The following KCNQ1 variants were observed in gnomAD, a reference collection of about 807,000 sequenced individuals.
The protein encoded by KCNQ1 is potassium voltage-gated channel subfamily KQT member 1.
A neutral mutation model predicts 72.4 loss-of-function variants in KCNQ1; 49 were observed. The ratio of observed to expected loss-of-function variants is 0.68; its 90% confidence interval spans 0.54 to 0.86. The LOEUF (loss-of-function observed/expected upper bound fraction) is 0.86, where lower values mean the gene tolerates loss of function less well. KCNQ1 is among the 40% of genes least tolerant of loss of function. The probability of loss-of-function intolerance (pLI) is 0.00; values close to 1 mark genes in which losing one functional copy is unlikely to be tolerated. For synonymous variants in KCNQ1, 450 were observed against 412.6 expected (o/e 1.09, Z -1.10); for missense variants, 790 against 945.1 (o/e 0.84, Z 2.15).
At chr11:2,699,763 G>C in intron 11 of KCNQ1, 1 of 364,642 alleles carries the variant, frequency 2.7e-6, no homozygotes, top group Non-Finnish European at 4.7e-6. Context: ...AGAGCGCCGC[G>C]CTGAGGAGCC....
Position 2,562,667 on chromosome 11 carries a change from G to GCA in KCNQ1, c.478-7961_478-7960insCA, listed in dbSNP as rs1307050425. On this transcript the variant is annotated intron_variant, in intron 2 of 15. Coordinates refer to ENST00000155840, the MANE Select transcript of KCNQ1 (RefSeq NM_000218.3). This position sits in a 1 kb window ranked among gnomAD's most constrained non-coding sequence, Gnocchi z 7.5. ...TCCAGGCCCCATCTTGGCCTGATGA[G>GCA]GCCTCATTGTCTCCTAAAAAGTGTG... 2.0e-5 allele frequency among the ~76,000 whole-genome samples: 3 copies of GCA among 152,150 alleles called. No homozygotes were observed. Among genetic ancestry groups the GCA allele is most frequent in the Admixed American group, 2.0e-4 (3 of 15,286 alleles).
rs1159984054 is a variant in KCNQ1 at position 2,482,962 on chromosome 11, C to G, written c.386+37478C>G. ...GCGTGGTAATGCATGGTGCGTGTCT[C>G]TTAGCAGTAAGACCTTGAGAAGGAG... is the stretch of plus-strand genomic sequence containing the variant. On this transcript the variant is annotated intron_variant, in intron 1 of 15. Transcript: ENST00000155840. This position sits in a 1 kb window ranked among gnomAD's most constrained non-coding sequence, Gnocchi z 5.7. Among the ~76,000 whole-genome samples, 1 of 152,142 alleles carries G rather than the reference C, an allele frequency of 6.6e-6. No individual in the cohort carries two copies. Among genetic ancestry groups the G allele is most frequent in the Non-Finnish European group, 1.5e-5 (1 of 68,036 alleles).
intron 15 of KCNQ1, among the ~76,000 whole-genome samples, chr11:2,795,636 G>A (rs919765050): frequency 3.3e-5 from 5 of 152,308 alleles, no homozygotes; most frequent in Admixed American, 2.0e-4. Flanking sequence ...TCAGAAGCCC[G>A]CCCCTAATTC....
At position 2,598,894 on chromosome 11, in the gene KCNQ1, T is replaced by G. The variant is rs1042485345; in HGVS notation, c.1393+10040T>G. Among the ~76,000 whole-genome samples the G allele has an allele frequency of 1.3e-5, 2 of 152,246 alleles. No individual in the cohort carries two copies. Among genetic ancestry groups the G allele is most frequent in the African/African-American group, 2.4e-5 (1 of 41,456 alleles). On this transcript the variant is annotated intron_variant, in intron 10 of 15. Transcript: ENST00000155840. This position sits in a 1 kb window ranked among gnomAD's most constrained non-coding sequence, Gnocchi z 6.2. The stretch of plus-strand genomic sequence containing the variant: ...TGTTGACTGAGTGAGTTAGAACATG[T>G]AAGTGCTCACCCAGGACCCATATGC...
In KCNQ1 at chr11:2,536,614, C is replaced by A. The variant is rs758638654; in HGVS notation, c.477+8596C>A. Among the ~76,000 whole-genome samples the A allele has an allele frequency of 1.5e-4, 23 of 152,312 alleles. No individual in the cohort carries two copies. The highest frequency in any genetic ancestry group is 2.4e-4 in the Non-Finnish European group (16 of 68,004). On this transcript the variant is annotated intron_variant, in intron 2 of 15. Coordinates refer to ENST00000155840, the MANE Select transcript of KCNQ1 (RefSeq NM_000218.3). The surrounding 1 kb of genome is among the most constrained non-coding windows in gnomAD (Gnocchi z 7.4). The stretch of plus-strand genomic sequence containing the variant: ...TCTCTCAGGCGGGTCTGGAACCCAA[C>A]AGAGCTGGTTTGGGCCACAGCAGTG...
intron 11 of KCNQ1, chr11:2,697,641 TC>T (rs1850700904): frequency 2.5e-6 from 1 of 398,642 alleles, no homozygotes; most frequent in Admixed American, 4.4e-5. Context: ...ATATGGTTTT[TC>T]TCCTGTAGCC....
chr11:2,725,927 C>A lies in KCNQ1; in HGVS notation c.1515-42917C>A, dbSNP rs1446118035. 1.3e-5 allele frequency among the ~76,000 whole-genome samples: 2 copies of A among 152,252 alleles called. No homozygotes were observed. Among genetic ancestry groups the A allele is most frequent in the East Asian group, 3.9e-4 (2 of 5,192 alleles). On this transcript the variant is annotated intron_variant, in intron 11 of 15. Coordinates refer to ENST00000155840, the MANE Select transcript of KCNQ1 (RefSeq NM_000218.3). The surrounding 1 kb of genome is among the most constrained non-coding windows in gnomAD (Gnocchi z 7.2). ...CGCTCCTCAGATTCTGCTGAACTAA[C>A]TGAAACCCTAACCTTCGGGCTTCCC... is the stretch of plus-strand genomic sequence containing the variant.
At chr11:2,820,564 CTGTT>C (rs3079085) in intron 15 of KCNQ1, among the ~76,000 whole-genome samples, 307 of 151,830 alleles carry the variant, frequency 2.0e-3, no homozygotes, top group Middle Eastern at 0.014. Context: ...ACTTACCTTG[CTGTT>C]TGTTTGTTTG....
In KCNQ1 at chr11:2,768,605, G is replaced by A. The variant is rs1846536370; in HGVS notation, c.1515-239G>A. 6.6e-6 allele frequency among the ~76,000 whole-genome samples: 1 copy of A among 152,180 alleles called. No homozygotes were observed. The highest frequency in any genetic ancestry group is 2.4e-5 in the African/African-American group (1 of 41,426). On this transcript the variant is annotated intron_variant, in intron 11 of 15. Coordinates refer to ENST00000155840, the MANE Select transcript of KCNQ1 (RefSeq NM_000218.3). This position sits in a 1 kb window ranked among gnomAD's most constrained non-coding sequence, Gnocchi z 6.7. ...CCCTTCTGAATGACACTCAAGGTAA[G>A]GGTCCCCTTCCCACTCACAGATGAG...
intron 11 of KCNQ1, among the ~76,000 whole-genome samples, chr11:2,718,108 C>T (rs1459173137): frequency 2.0e-5 from 3 of 152,174 alleles, no homozygotes; most frequent in Non-Finnish European, 4.4e-5. Context: ...ACCCGCGTGC[C>T]CCGTCCTGGC....
At chr11:2,558,642 C>T (rs571749553) in intron 2 of KCNQ1, among the ~76,000 whole-genome samples, 87 of 152,352 alleles carry the variant, frequency 5.7e-4, no homozygotes, top group African/African-American at 2.0e-3. Context: ...GAACCCCCAC[C>T]CCGCCGGCTT....
At chr11:2,754,364 G>A (rs1171603616) in intron 11 of KCNQ1, among the ~76,000 whole-genome samples, 1 of 152,242 alleles carries the variant, frequency 6.6e-6, no homozygotes, top group Non-Finnish European at 1.5e-5. Flanking sequence ...CCTCCAGTGG[G>A]TTTTTCAGGG....
rs907858753 is a variant in KCNQ1, at chr11:2,809,062, TG to T, written c.1794+31028del. 1.1e-4 allele frequency among the ~76,000 whole-genome samples: 6 copies of T among 56,548 alleles called. No individual in the cohort carries two copies. Among genetic ancestry groups the T allele is most frequent in the African/African-American group, 4.2e-4 (6 of 14,304 alleles). 37.1% of individuals were successfully genotyped at this position (56,548 alleles called of 152,430 possible). A position where few individuals can be genotyped will look rare whatever the true frequency, so the allele number is the denominator to read the frequency against. ...ATGGATGGAGGGGTGGGTAGGTGGGTGGGTAGGTGGGTGGCCAGACAATGGA... is the reference window on the plus strand; with the variant it reads ...ATGGATGGAGGGGTGGGTAGGTGGGTGGTAGGTGGGTGGCCAGACAATGGA... On this transcript the variant is annotated intron_variant, in intron 15 of 15. Coordinates refer to ENST00000155840, the MANE Select transcript of KCNQ1 (RefSeq NM_000218.3). The surrounding 1 kb of genome is among the most constrained non-coding windows in gnomAD (Gnocchi z 7.1).
In KCNQ1 at chr11:2,651,726, T is replaced by C. The variant is rs934280634; in HGVS notation, c.1394-10235T>C. ...ATTTCCTAAGTAAGCATCATCCTCA[T>C]TTCTATACGTTTTCTCTGATTACTG... On this transcript the variant is annotated intron_variant, in intron 10 of 15. Coordinates refer to ENST00000155840, the MANE Select transcript of KCNQ1 (RefSeq NM_000218.3). The surrounding 1 kb of genome is among the most constrained non-coding windows in gnomAD (Gnocchi z 6.1). 6 of 398,496 alleles carry C rather than the reference T, an allele frequency of 1.5e-5. No homozygotes were observed. Among genetic ancestry groups the C allele is most frequent in the Admixed American group, 4.4e-5 (1 of 22,716 alleles). 24.7% of individuals were successfully genotyped at this position (398,496 alleles called of 1,614,324 possible).
At position 2,653,068 on chromosome 11, in the gene KCNQ1, A is replaced by G. The variant is rs1849782211; in HGVS notation, c.1394-8893A>G. The stretch of plus-strand genomic sequence containing the variant: ...CAACATGTTCCATAATTTGCATCAA[A>G]CATCCTCATACAGCAGGGTGTGGAG... On this transcript the variant is annotated intron_variant, in intron 10 of 15. Coordinates refer to ENST00000155840, the MANE Select transcript of KCNQ1 (RefSeq NM_000218.3). The surrounding 1 kb of genome is among the most constrained non-coding windows in gnomAD (Gnocchi z 5.3). 1 of 398,714 alleles carries G rather than the reference A, an allele frequency of 2.5e-6. No homozygotes were observed. The highest frequency in any genetic ancestry group is 4.4e-6 in the Non-Finnish European group (1 of 226,104). 24.7% of individuals were successfully genotyped at this position (398,714 alleles called of 1,614,324 possible).
chr11:2,544,755 T>C lies in KCNQ1; in HGVS notation c.477+16737T>C, dbSNP rs764601495. ...TTATATGAATGATGTTTTCTGAACA[T>C]AGAGACAGTTTTACCTCTTTTTTTC... On this transcript the variant is annotated intron_variant, in intron 2 of 15. Coordinates refer to ENST00000155840, the MANE Select transcript of KCNQ1 (RefSeq NM_000218.3). This position sits in a 1 kb window ranked among gnomAD's most constrained non-coding sequence, Gnocchi z 4.4. Among the ~76,000 whole-genome samples the C allele has an allele frequency of 6.6e-6, 1 of 152,258 alleles. No homozygotes were observed. Among genetic ancestry groups the C allele is most frequent in the Non-Finnish European group, 1.5e-5 (1 of 68,042 alleles).
At chr11:2,743,561 G>A (rs1846091750) in intron 11 of KCNQ1, among the ~76,000 whole-genome samples, 1 of 152,202 alleles carries the variant, frequency 6.6e-6, no homozygotes, top group East Asian at 1.9e-4. Flanking sequence ...AAGGGAAGGG[G>A]CTCGAATCCC....
intron 6 of KCNQ1, among the ~76,000 whole-genome samples, chr11:2,583,002 C>T (rs948453570): frequency 1.3e-5 from 2 of 152,150 alleles, no homozygotes; most frequent in Non-Finnish European, 2.9e-5. Context: ...GGAAGCAGCG[C>T]GTCATCCCAG....
At position 2,472,978 on chromosome 11, in the gene KCNQ1, T is replaced by C. The variant is rs564008342; in HGVS notation, c.386+27494T>C. ...AGCAGAGGGGCTCATGGTGATGGGG[T>C]GGGCGTGGCTGGGAGAAGCCTGCAT... On this transcript the variant is annotated intron_variant, in intron 1 of 15. Transcript: ENST00000155840. 1.9e-4 allele frequency among the ~76,000 whole-genome samples: 28 copies of C among 149,968 alleles called. No homozygotes were observed. In the South Asian group the frequency reaches 5.9e-3, roughly 32 times the overall value.
Sources: gnomAD v4.1 joint callset for allele counts (sites outside exome capture counted in the v4.1 genomes callset) on GRCh38, gnomAD v4.1.1 for gene constraint, Gnocchi (gnomAD v3.1) non-coding constraint, MANE v1.5 for transcripts, NCBI Gene and HGNC (gene_info 2026-07-23, HGNC 2026-07-21) for gene names.